The following RNF17 variants were observed in gnomAD, a reference collection of about 807,000 sequenced individuals.
The protein encoded by RNF17 is spermatogenesis associated 23.
RNF17 carries 31 observed loss-of-function variants against 200.5 expected under a neutral mutation model. The observed-to-expected ratio is 0.15, with a 90% confidence interval of 0.12 to 0.21. RNF17 has a LOEUF of 0.21. Ranked by LOEUF, RNF17 falls within the 10% of genes least tolerant of loss-of-function variation. The probability of loss-of-function intolerance (pLI) is 1.00; values close to 1 mark genes in which losing one functional copy is unlikely to be tolerated. For missense variants in RNF17, 1,628 were observed against 1,905.1 expected (o/e 0.85, Z 2.71); for synonymous variants, 606 against 637.8 (o/e 0.95, Z 0.75).
At chr13:24,878,743 G>A (rs1382483783) in intron 34 of RNF17, among the ~76,000 whole-genome samples, 2 of 152,106 alleles carry the variant, frequency 1.3e-5, no homozygotes, top group African/African-American at 2.4e-5. Flanking sequence ...ATAGAGAGTG[G>A]GTCTTCCTCT....
intron 2 of RNF17, among the ~76,000 whole-genome samples, chr13:24,772,233 G>A (rs1880840715): frequency 6.6e-6 from 1 of 152,088 alleles, no homozygotes; most frequent in South Asian, 2.1e-4. Context: ...AGCACATAGT[G>A]TTTTAATTAT....
At chr13:24,853,712 A>T in intron 24 of RNF17, 143 bp from the exon 25 acceptor site, 1 of 599,518 alleles carries the variant, frequency 1.7e-6, no homozygotes, top group Non-Finnish European at 2.7e-6. Flanking sequence ...TTTTAATTTT[A>T]ACTGATGCTA....
At chr13:24,811,891 G>A (rs545281590) in intron 15 of RNF17, among the ~76,000 whole-genome samples, 77 of 152,182 alleles carry the variant, frequency 5.1e-4, no homozygotes, top group African/African-American at 1.5e-3. Flanking sequence ...GTCTGTTGGA[G>A]TACCCGGCCG....
At chr13:24,772,068 G>A (rs1283584443) in intron 2 of RNF17, among the ~76,000 whole-genome samples, 1 of 152,198 alleles carries the variant, frequency 6.6e-6, no homozygotes, top group East Asian at 1.9e-4. Context: ...GTAAGGTGCA[G>A]GTATACCTTT....
chr13:24,796,865 AT>A lies in RNF17; in HGVS notation c.1399+573del, dbSNP rs147164317. Among the ~76,000 whole-genome samples the A allele has an allele frequency of 9.5e-3, 1,453 of 152,302 alleles. 33 individuals carry two copies. Among genetic ancestry groups the A allele is most frequent in the African/African-American group, 0.032 (1,343 of 41,564 alleles). On this transcript the variant is annotated intron_variant, in intron 11 of 35. Transcript: ENST00000255324. ...TTGTAATATGAGGAAGCTATGATTC[AT>A]TTGTATTAATAGAGTATTTTTCTCA...
At chr13:24,778,522 G>A in intron 4 of RNF17, 116 bp downstream of exon 4, 1 of 728,220 alleles carries the variant, frequency 1.4e-6, no homozygotes, top group Non-Finnish European at 2.4e-6. Flanking sequence ...TACGTAACAA[G>A]TTAACCCACC....
At chr13:24,828,236 C>T (rs1047021800) in intron 16 of RNF17, among the ~76,000 whole-genome samples, 9 of 11,094 alleles carry the variant, frequency 8.1e-4, no homozygotes, top group Non-Finnish European at 3.2e-3. Flanking sequence ...GCATGGTGCT[C>T]ATTCTACTTC....
chr13:24,888,097 A>T, the RNF17 span, among the ~76,000 whole-genome samples: 1 of 152,202 alleles, frequency 6.6e-6, no homozygotes, highest in Non-Finnish European at 1.5e-5. Flanking sequence ...CACAAAAATA[A>T]TTTTTTAAAA....
intron 9 of RNF17, among the ~76,000 whole-genome samples, chr13:24,792,425 C>A (rs1463338056): frequency 2.0e-4 from 30 of 151,544 alleles, no homozygotes; most frequent in Non-Finnish European, 7.4e-5. Flanking sequence ...AAAAAAAAAA[C>A]TTGAGAAGGA....
intron 26 of RNF17, among the ~76,000 whole-genome samples, chr13:24,860,035 T>G (rs2138304918): frequency 6.6e-6 from 1 of 152,104 alleles, no homozygotes; most frequent in Middle Eastern, 3.4e-3. Flanking sequence ...CTTTTTCTAT[T>G]GAACTACAAA....
At chr13:24,791,546 C>A (rs192680064) in intron 9 of RNF17, among the ~76,000 whole-genome samples, 1 of 152,188 alleles carries the variant, frequency 6.6e-6, no homozygotes, top group East Asian at 1.9e-4. Context: ...CTTAAGAGAT[C>A]TTGGTCTTGA....
At chr13:24,856,480 A>G (rs1892513079) in intron 25 of RNF17, among the ~76,000 whole-genome samples, 1 of 151,784 alleles carries the variant, frequency 6.6e-6, no homozygotes, top group Admixed American at 6.6e-5. Context: ...TCATTATATG[A>G]TCTTGTAAAA....
chr13:24,758,484 G>T, the RNF17 span, among the ~76,000 whole-genome samples: 2 of 152,146 alleles, frequency 1.3e-5, no homozygotes, highest in African/African-American at 2.4e-5. Flanking sequence ...GGTATAAGAA[G>T]AAGGTTCTAA....
intron 15 of RNF17, among the ~76,000 whole-genome samples, chr13:24,805,739 T>C (rs2137767982): frequency 6.6e-6 from 1 of 152,338 alleles, no homozygotes; most frequent in South Asian, 2.1e-4. Context: ...TGCTGGATTA[T>C]ATGGTAATTT....
At chr13:24,758,396 C>G in the RNF17 span, among the ~76,000 whole-genome samples, 7 of 152,186 alleles carry the variant, frequency 4.6e-5, no homozygotes, top group Non-Finnish European at 1.0e-4. Flanking sequence ...TGACTAATAA[C>G]TTCTGTAATA....
chr13:24,883,124 A>G, downstream of RNF17: 2 of 1,446,424 alleles, frequency 1.4e-6, no homozygotes, highest in Non-Finnish European at 1.9e-6. Context: ...GTAAATGTAC[A>G]TTTTTTAACA....
the RNF17 span, chr13:24,750,908 C>G: frequency 2.6e-5 from 4 of 152,130 alleles, no homozygotes; most frequent in East Asian, 7.7e-4. Flanking sequence ...ATCCACTCGT[C>G]TACATAGTCT....
Position 24,844,514 on chromosome 13 carries a change from T to C in RNF17, c.2832-138T>C, listed in dbSNP as rs76234971. The C allele has an allele frequency of 8.0e-3, 5,367 of 673,928 alleles. 214 individuals carry two copies. In the East Asian group the frequency reaches 0.1, roughly 13 times the overall value. 41.7% of individuals were successfully genotyped at this position (673,928 alleles called of 1,614,324 possible). The stretch of plus-strand genomic sequence containing the variant: ...CTAGTTCAAAAACCTGAGGAAGAAA[T>C]ACACTTGTACATTCAAGGAAGAACA... On this transcript the variant is annotated intron_variant, in intron 20 of 35. Coordinates refer to ENST00000255324, the MANE Select transcript of RNF17 (RefSeq NM_031277.3).
intron 1 of RNF17, 89 bp downstream of exon 1, chr13:24,764,422 C>T (rs1488243682): frequency 3.5e-6 from 5 of 1,446,280 alleles, no homozygotes; most frequent in Non-Finnish European, 3.7e-6. Context: ...GAGGCTTGGT[C>T]AGCTGCATCC....
Sources: allele counts gnomAD v4.1 joint callset (sites outside exome capture counted in the v4.1 genomes callset), GRCh38; gene constraint gnomAD v4.1.1; transcripts MANE v1.5; gene names NCBI Gene and HGNC (gene_info 2026-07-23, HGNC 2026-07-21).